The following TRDN variants were observed in gnomAD, a reference collection of about 807,000 sequenced individuals.
TRDN encodes the protein triadin in skeletal muscle.
In TRDN, 161 loss-of-function variants were observed where a neutral mutation model predicts 149.7. That is an observed-to-expected ratio of 1.08 (90% CI 0.95 to 1.23). TRDN has a LOEUF of 1.23. TRDN is among the 50% of genes most tolerant of loss of function. The pLI is 0.00. For missense variants in TRDN, 896 were observed against 823.5 expected, an observed-to-expected ratio of 1.09 and a Z score of -1.08; for synonymous variants, 294 against 250.5, an observed-to-expected ratio of 1.17 and a Z score of -1.64.
At chr6:123,339,756 C>T (rs1368948813) in intron 21 of TRDN, among the ~76,000 whole-genome samples, 1 of 152,122 alleles carries the variant, frequency 6.6e-6, no homozygotes, top group African/African-American at 2.4e-5. Context: ...GGTGAAAACA[C>T]ACCCACACAC....
rs1782984524 is a variant in TRDN, at chr6:123,578,875, A to T, written c.23-7743T>A. On this transcript the variant is annotated intron_variant, in intron 1 of 40. Transcript: ENST00000334268. ...GTAGAGATCTTTTACCTCCCTGGTT[A>T]CATGTACTCCTAGGTGGTTTTTTCG... 3.3e-5 allele frequency among the ~76,000 whole-genome samples: 5 copies of T among 152,172 alleles called. 1 individual carries two copies. In the South Asian group the frequency reaches 1.0e-3, roughly 32 times the overall value.
intron 14 of TRDN, among the ~76,000 whole-genome samples, chr6:123,382,899 C>T (rs1193881105): frequency 6.6e-6 from 1 of 152,016 alleles, no homozygotes; most frequent in East Asian, 1.9e-4. Context: ...AAGATTGAAG[C>T]ACCTGAGCTT....
chr6:123,448,563 C>A (rs534864973), intron 10 of TRDN, among the ~76,000 whole-genome samples: 3 of 152,106 alleles, frequency 2.0e-5, no homozygotes, highest in African/African-American at 4.8e-5. Context: ...CCCCATCCCC[C>A]ACAGCAGCTA....
intron 9 of TRDN, among the ~76,000 whole-genome samples, chr6:123,495,049 ATTAT>A (rs1778385916): frequency 1.3e-5 from 2 of 151,740 alleles, no homozygotes; most frequent in Non-Finnish European, 2.9e-5. Flanking sequence ...GAACTTTTAA[ATTAT>A]TTATTTATTT....
intron 1 of TRDN, among the ~76,000 whole-genome samples, chr6:123,604,477 A>G (rs1784430447): frequency 6.6e-6 from 1 of 152,224 alleles, no homozygotes; most frequent in East Asian, 1.9e-4. Context: ...CATAACAAAC[A>G]ACACAGCAAG....
At chr6:123,275,605 G>A (rs1417839082) in intron 26 of TRDN, among the ~76,000 whole-genome samples, 2 of 152,066 alleles carry the variant, frequency 1.3e-5, no homozygotes, top group Admixed American at 1.3e-4. Flanking sequence ...TTTGGTTTAG[G>A]AACATAGGTG....
At chr6:123,372,874 G>T (rs549460679) in intron 19 of TRDN, among the ~76,000 whole-genome samples, 32 of 152,244 alleles carry the variant, frequency 2.1e-4, no homozygotes, top group African/African-American at 7.7e-4. Context: ...GGGAATGTAG[G>T]TAGGGGAGGT....
rs187484499 is a variant in TRDN, at chr6:123,465,613, G to A, written c.854-630C>T. On this transcript the variant is annotated intron_variant, in intron 9 of 40. Transcript: ENST00000334268. ...AAAAAAAAAAAAAAAAAGAGAGAGAGAGAGAAAGAAAGAAAACCCACAATC... is the reference window on the plus strand; with the variant it reads ...AAAAAAAAAAAAAAAAAGAGAGAGAAAGAGAAAGAAAGAAAACCCACAATC... 2.8e-3 allele frequency among the ~76,000 whole-genome samples: 394 copies of A among 142,978 alleles called. 12 individuals are homozygous for A. The East Asian group carries it at 0.075, about 27-fold the overall frequency. The allele number at this position is 142,978 out of a possible 152,430, so 93.8% of individuals were successfully genotyped here.
rs966298146 is a variant in TRDN at position 123,595,889 on chromosome 6, T to A, written c.23-24757A>T. ...CTCTCTCCCTCTCCTCAGACGTCCC[T>A]ATTCCCTGAGACACAATCAAAATTA... On this transcript the variant is annotated intron_variant, in intron 1 of 40. Coordinates refer to ENST00000334268, the MANE Select transcript of TRDN (RefSeq NM_006073.4). 6.6e-5 allele frequency among the ~76,000 whole-genome samples: 10 copies of A among 152,184 alleles called. No individual in the cohort carries two copies. The South Asian group carries it at 1.0e-3, about 16-fold the overall frequency.
At chr6:123,602,082 A>G (rs760219409) in intron 1 of TRDN, among the ~76,000 whole-genome samples, 1 of 152,124 alleles carries the variant, frequency 6.6e-6, no homozygotes, top group Non-Finnish European at 1.5e-5. Flanking sequence ...AACACTGGCA[A>G]TATAGTCCCT....
At chr6:123,579,611 T>C (rs373720196) in intron 1 of TRDN, among the ~76,000 whole-genome samples, 70 of 152,266 alleles carry the variant, frequency 4.6e-4, no homozygotes, top group African/African-American at 1.6e-3. Flanking sequence ...CTTTTTTTGT[T>C]GTTGTGCCTC....
chr6:123,455,418 G>A (rs1386591672), intron 10 of TRDN, among the ~76,000 whole-genome samples: 2 of 148,842 alleles, frequency 1.3e-5, no homozygotes, highest in Non-Finnish European at 3.0e-5. Flanking sequence ...GTGTGTGTGT[G>A]TGTGTGTGTG....
At chr6:123,290,509 A>G (rs1439309409) in intron 24 of TRDN, among the ~76,000 whole-genome samples, 1 of 152,210 alleles carries the variant, frequency 6.6e-6, no homozygotes, top group African/African-American at 2.4e-5. Context: ...TGGCTTTAAA[A>G]TGGTTAAAAT....
At chr6:123,325,289 T>C (rs1202432954) in intron 23 of TRDN, among the ~76,000 whole-genome samples, 1 of 152,148 alleles carries the variant, frequency 6.6e-6, no homozygotes, top group Non-Finnish European at 1.5e-5. Flanking sequence ...GTAGTATTTC[T>C]CCTTAAAATA....
At chr6:123,318,647 T>C (rs182254071) in intron 23 of TRDN, among the ~76,000 whole-genome samples, 58 of 152,216 alleles carry the variant, frequency 3.8e-4, no homozygotes, top group Non-Finnish European at 5.9e-4. Context: ...ATTTTGCTCA[T>C]CAATAATAGG....
At chr6:123,580,638 C>T (rs1448133217) in intron 1 of TRDN, among the ~76,000 whole-genome samples, 1 of 152,130 alleles carries the variant, frequency 6.6e-6, no homozygotes, top group African/African-American at 2.4e-5. Context: ...TTATTATACC[C>T]TTTATAAAAT....
intron 1 of TRDN, among the ~76,000 whole-genome samples, chr6:123,609,329 CTCA>C (rs1784678989): frequency 1.3e-5 from 2 of 151,930 alleles, no homozygotes; most frequent in African/African-American, 4.8e-5. Flanking sequence ...TATTAGAGAA[CTCA>C]TCATAAAACA....
chr6:123,252,531 T>A (rs1238536385), intron 37 of TRDN, 96 bp from the exon 38 acceptor site: 1 of 626,300 alleles, frequency 1.6e-6, no homozygotes, highest in Non-Finnish European at 2.7e-6. Context: ...ATTATTTTGT[T>A]TCTTGCTTAT....
At chr6:123,414,296 T>C (rs1445163943) in intron 12 of TRDN, among the ~76,000 whole-genome samples, 2 of 152,102 alleles carry the variant, frequency 1.3e-5, no homozygotes, top group African/African-American at 4.8e-5. Context: ...TGAAATGTCA[T>C]TAAAACACAG....
Sources: gnomAD v4.1 joint callset for allele counts (sites outside exome capture counted in the v4.1 genomes callset) on GRCh38, gnomAD v4.1.1 for gene constraint, MANE v1.5 for transcripts, NCBI Gene and HGNC (gene_info 2026-07-23, HGNC 2026-07-21) for gene names.